Variants in ZNF469 observed in about 807,000 individuals in gnomAD.
The protein encoded by ZNF469 is zinc finger protein 469.
Under a neutral mutation model 1.0 loss-of-function variants are expected in ZNF469, and 1 was observed. That is an observed-to-expected ratio of 1.00 (90% CI 0.35 to 4.73). The LOEUF (loss-of-function observed/expected upper bound fraction) is 4.73, where lower values mean the gene tolerates loss of function less well. ZNF469 is among the 30% of genes most tolerant of loss of function. The pLI is 0.16. For synonymous variants in ZNF469, 2,703 were observed against 2,363.4 expected, an observed-to-expected ratio of 1.14 and a Z score of -4.17; for missense variants, 6,100 against 5,356.3, an observed-to-expected ratio of 1.14 and a Z score of -4.33.
At chr16:88,333,863 A>AGTGTGTGTGGGT in the ZNF469 span, among the ~76,000 whole-genome samples, 1 of 141,016 alleles carries the variant, frequency 7.1e-6, no homozygotes, top group East Asian at 2.1e-4. Flanking sequence ...GGGCAGTTGC[A>AGTGTGTGTGGGT]GTGTGTGTGT....
the ZNF469 span, among the ~76,000 whole-genome samples, chr16:88,136,539 C>G: frequency 6.6e-6 from 1 of 152,368 alleles, no homozygotes; most frequent in Non-Finnish European, 1.5e-5. Context: ...TCCTGGTCAG[C>G]AGCACTTGCT....
chr16:88,263,359 G>A, the ZNF469 span, among the ~76,000 whole-genome samples: 2 of 152,206 alleles, frequency 1.3e-5, no homozygotes, highest in Admixed American at 6.5e-5. Context: ...GCTGTAGTAC[G>A]CCGAGGTGAG....
At chr16:88,312,470 C>T in the ZNF469 span, among the ~76,000 whole-genome samples, 1 of 152,196 alleles carries the variant, frequency 6.6e-6, no homozygotes, top group Non-Finnish European at 1.5e-5. Context: ...CCAAATTTCT[C>T]CCCAATTCTT....
At chr16:88,214,975 T>G in the ZNF469 span, among the ~76,000 whole-genome samples, 5 of 151,936 alleles carry the variant, frequency 3.3e-5, no homozygotes, top group Non-Finnish European at 7.3e-5. Flanking sequence ...ATGTCCCTCT[T>G]TGTCTCTGAT....
the ZNF469 span, among the ~76,000 whole-genome samples, chr16:88,246,407 C>T: frequency 6.6e-6 from 1 of 152,122 alleles, no homozygotes; most frequent in African/African-American, 2.4e-5. Flanking sequence ...CCAGGAACCC[C>T]ATCTCAGAGC....
the ZNF469 span, among the ~76,000 whole-genome samples, chr16:88,298,193 C>T: frequency 6.6e-6 from 1 of 152,176 alleles, no homozygotes; most frequent in Non-Finnish European, 1.5e-5. Flanking sequence ...GGCTTGGTCC[C>T]CAGGACTCTT....
the ZNF469 span, among the ~76,000 whole-genome samples, chr16:88,109,552 A>G: frequency 5.4e-5 from 7 of 130,044 alleles, no homozygotes; most frequent in Non-Finnish European, 9.7e-5. Context: ...GGAGGTGCTG[A>G]GCATCTGTGT....
At chr16:88,129,403 T>C in the ZNF469 span, among the ~76,000 whole-genome samples, 3 of 151,652 alleles carry the variant, frequency 2.0e-5, no homozygotes, top group South Asian at 6.3e-4. Context: ...ACAGAACTCA[T>C]TGTCCTCTGC....
At chr16:88,187,034 C>T in the ZNF469 span, among the ~76,000 whole-genome samples, 5 of 152,144 alleles carry the variant, frequency 3.3e-5, no homozygotes, top group South Asian at 4.1e-4. Flanking sequence ...GCAGGTGGGG[C>T]GGCTGGGAGG....
the ZNF469 span, among the ~76,000 whole-genome samples, chr16:88,376,504 C>T: frequency 1.3e-5 from 2 of 152,196 alleles, no homozygotes; most frequent in Non-Finnish European, 2.9e-5. Flanking sequence ...CCTCCGGGGC[C>T]CTCGCTCTGC....
At chr16:88,341,720 G>A in the ZNF469 span, among the ~76,000 whole-genome samples, 19 of 152,310 alleles carry the variant, frequency 1.2e-4, 1 homozygote, top group African/African-American at 4.6e-4. Flanking sequence ...GGCAGGTGGT[G>A]CAGCGTCCAC....
At chr16:88,322,967 G>A in the ZNF469 span, among the ~76,000 whole-genome samples, 1 of 152,218 alleles carries the variant, frequency 6.6e-6, no homozygotes, top group African/African-American at 2.4e-5. Context: ...CAAGATTGGA[G>A]AACGGCATGC....
At chr16:88,304,430 G>A in the ZNF469 span, among the ~76,000 whole-genome samples, 1 of 152,202 alleles carries the variant, frequency 6.6e-6, no homozygotes, top group Non-Finnish European at 1.5e-5. Context: ...AATCTGCAGG[G>A]GCCAGGCCTC....
the ZNF469 span, among the ~76,000 whole-genome samples, chr16:88,336,719 G>T: frequency 6.6e-6 from 1 of 152,222 alleles, no homozygotes; most frequent in African/African-American, 2.4e-5. Context: ...ACACTGACAC[G>T]CCAATACCAC....
the ZNF469 span, among the ~76,000 whole-genome samples, chr16:88,364,096 A>C: frequency 6.6e-6 from 1 of 152,112 alleles, no homozygotes; most frequent in East Asian, 1.9e-4. Context: ...TACCTTCTGG[A>C]TGCTTTGTTA....
intron 1 of ZNF469, among the ~76,000 whole-genome samples, chr16:88,400,084 T>C (rs979046866): frequency 3.9e-5 from 6 of 152,190 alleles, no homozygotes; most frequent in Non-Finnish European, 7.4e-5. Flanking sequence ...AGGGAGGCAG[T>C]GTCCGGGCCA....
the ZNF469 span, among the ~76,000 whole-genome samples, chr16:88,193,284 GGA>G: frequency 2.2e-5 from 3 of 138,624 alleles, no homozygotes; most frequent in Admixed American, 1.4e-4. Context: ...TGGTGGTGGT[GGA>G]GATGGTGGTG....
chr16:88,308,126 T>A, the ZNF469 span, among the ~76,000 whole-genome samples: 6 of 152,220 alleles, frequency 3.9e-5, no homozygotes, highest in Non-Finnish European at 7.3e-5. Flanking sequence ...GGTGCCCTTG[T>A]TGGAAATCAG....
Position 88,433,769 on chromosome 16 carries a change from G to T in ZNF469, c.6299G>T (p.Gly2100Val). 6.5e-7 allele frequency: 1 copy of T among 1,549,558 alleles called. No homozygotes were observed. Residue 2100 changes from glycine to valine, a missense_variant, in exon 3 of 3, where the codon GGG becomes GTG. Transcript: ENST00000565624. The part of the protein sequence containing the change: ...PGLNKPLLAT[G>V]DSPAPSVGDL... ...CTGAACAAGCCACTGCTGGCCACAG[G>T]GGATAGCCCAGCACCCTCTGTCGGG...
Sources: gnomAD v4.1 joint callset for allele counts (sites outside exome capture counted in the v4.1 genomes callset) on GRCh38, gnomAD v4.1.1 for gene constraint, MANE v1.5 for transcripts, NCBI Gene and HGNC (gene_info 2026-07-23, HGNC 2026-07-21) for gene names.